HCN1: variants seen among roughly 807,000 people sequenced by gnomAD.
The protein encoded by HCN1 is potassium/sodium hyperpolarization-activated cyclic nucleotide-gated channel 1.
In HCN1, 13 loss-of-function variants were observed where a neutral mutation model predicts 78.9. The observed-to-expected ratio is 0.16, with a 90% CI of 0.11 to 0.26. HCN1 has a LOEUF of 0.26. HCN1 is among the 10% of genes least tolerant of loss of function. HCN1 has a pLI of 1.00. For synonymous variants in HCN1, 552 were observed against 455.5 expected, an observed-to-expected ratio of 1.21 and a Z score of -2.70; for missense variants, 810 against 1,154.3, an observed-to-expected ratio of 0.70 and a Z score of 4.32.
chr5:45,318,860 T>C (rs1047981466), intron 5 of HCN1, among the ~76,000 whole-genome samples: 3 of 151,930 alleles, frequency 2.0e-5, no homozygotes, highest in African/African-American at 7.2e-5. Flanking sequence ...CTCATCTTAG[T>C]CAACCCAGAG....
intron 5 of HCN1, among the ~76,000 whole-genome samples, chr5:45,309,430 C>A (rs926122970): frequency 6.6e-6 from 1 of 151,934 alleles, no homozygotes; most frequent in African/African-American, 2.4e-5. Context: ...AGAGAAGATA[C>A]CCTAGTCTGG....
Position 45,527,341 on chromosome 5 carries a change from A to T in HCN1, c.850-65334T>A, listed in dbSNP as rs1742756626. 2.1e-5 allele frequency among the ~76,000 whole-genome samples: 2 copies of T among 96,526 alleles called. 1 individual carries two copies. The allele number at this position is 96,526 out of a possible 152,430, so 63.3% of individuals were successfully genotyped here. Reference sequence around the variant, plus strand: ...CATGGCCAGTAATGGTGGAGATAGGATCTAAACAGAAGCTTATACCATGTT... The same window carrying T: ...CATGGCCAGTAATGGTGGAGATAGGTTCTAAACAGAAGCTTATACCATGTT... On this transcript the variant is annotated intron_variant, in intron 2 of 7. Transcript: ENST00000303230.
intron 5 of HCN1, among the ~76,000 whole-genome samples, chr5:45,327,250 G>A (rs1484495003): frequency 6.6e-6 from 1 of 151,646 alleles, no homozygotes; most frequent in Non-Finnish European, 1.5e-5. Context: ...CCAGAAGTAT[G>A]CTGAAACTAA....
Position 45,641,158 on chromosome 5 carries a change from T to G in HCN1, c.849+4027A>C, listed in dbSNP as rs193294810. Among the ~76,000 whole-genome samples the G allele has an allele frequency of 1.5e-3, 225 of 152,306 alleles. 1 individual carries two copies. The highest frequency in any genetic ancestry group is 3.1e-3 in the Admixed American group (48 of 15,290). On this transcript the variant is annotated intron_variant, in intron 2 of 7. Transcript: ENST00000303230. ...TTATGGCAAGTCTTAGAATCCTATG[T>G]GTTTTTAAAAATATAAAAGTAATTA...
At chr5:45,289,440 A>G (rs1472931319) in intron 6 of HCN1, among the ~76,000 whole-genome samples, 1 of 152,078 alleles carries the variant, frequency 6.6e-6, no homozygotes, top group Non-Finnish European at 1.5e-5. Context: ...TTTGTCTCCT[A>G]GACTCCACAG....
intron 4 of HCN1, among the ~76,000 whole-genome samples, chr5:45,359,281 T>C (rs970727151): frequency 1.3e-5 from 2 of 151,820 alleles, no homozygotes; most frequent in Admixed American, 1.3e-4. Flanking sequence ...AATTGAAAAA[T>C]AGCAAATTAT....
chr5:45,495,265 T>C (rs1742000193), intron 2 of HCN1, among the ~76,000 whole-genome samples: 1 of 114,502 alleles, frequency 8.7e-6, no homozygotes, highest in East Asian at 2.4e-4. Context: ...TTGTATCCTC[T>C]TTTATTTCCT....
rs1391526671 is a variant in HCN1 at position 45,669,171 on chromosome 5, GAGTT to G, written c.426-23567_426-23564del. On this transcript the variant is annotated intron_variant, in intron 1 of 7. Transcript: ENST00000303230. Reference sequence around the variant, plus strand: ...CATGTGTCAGAGCAAGAAATTGAGAGAGTTAGAGCAACTTTAAAGAAATTTAATA... The same window carrying G: ...CATGTGTCAGAGCAAGAAATTGAGAGAGAGCAACTTTAAAGAAATTTAATA... 3.9e-5 allele frequency among the ~76,000 whole-genome samples: 6 copies of G among 151,956 alleles called. No homozygotes were observed. The East Asian group carries it at 5.8e-4, about 15-fold the overall frequency.
chr5:45,442,257 T>G (rs1488504059), intron 3 of HCN1, among the ~76,000 whole-genome samples: 1 of 152,154 alleles, frequency 6.6e-6, no homozygotes, highest in East Asian at 1.9e-4. Flanking sequence ...CACTGATTTT[T>G]CTTCCCTTTT....
intron 1 of HCN1, among the ~76,000 whole-genome samples, chr5:45,673,434 G>A (rs1349906770): frequency 6.6e-6 from 1 of 151,442 alleles, no homozygotes; most frequent in Non-Finnish European, 1.5e-5. Flanking sequence ...CAAATTATTT[G>A]AGTCCCCCCA....
chr5:45,690,449 T>C (rs1231065119), intron 1 of HCN1, among the ~76,000 whole-genome samples: 1 of 152,062 alleles, frequency 6.6e-6, no homozygotes, highest in Non-Finnish European at 1.5e-5. Flanking sequence ...ATTCTTTACT[T>C]CTATATATAT....
At chr5:45,321,729 G>A (rs543438946) in intron 5 of HCN1, among the ~76,000 whole-genome samples, 152 of 151,748 alleles carry the variant, frequency 1.0e-3, no homozygotes, top group African/African-American at 3.5e-3. Flanking sequence ...TCATTTAATA[G>A]CAATACGTTT....
intron 2 of HCN1, among the ~76,000 whole-genome samples, chr5:45,563,936 T>C (rs1360518031): frequency 6.6e-6 from 1 of 152,216 alleles, no homozygotes; most frequent in Non-Finnish European, 1.5e-5. Flanking sequence ...GATTTGATAC[T>C]AGTTCTTCCA....
chr5:45,664,739 C>T (rs867144770), intron 1 of HCN1, among the ~76,000 whole-genome samples: 1 of 151,960 alleles, frequency 6.6e-6, no homozygotes, highest in African/African-American at 2.4e-5. Flanking sequence ...CAAATCAAAA[C>T]CACACTGAGA....
At chr5:45,547,176 A>G (rs2589170) in intron 2 of HCN1, among the ~76,000 whole-genome samples, 6,931 of 152,020 alleles carry the variant, frequency 0.046, 558 homozygotes, top group African/African-American at 0.16. Context: ...TAGATCCTTC[A>G]TGATATGTCT....
chr5:45,624,848 T>C (rs1745131303), intron 2 of HCN1, among the ~76,000 whole-genome samples: 1 of 151,984 alleles, frequency 6.6e-6, no homozygotes, highest in African/African-American at 2.4e-5. Flanking sequence ...TTAGGTCAAC[T>C]GTGGTAAGTA....
chr5:45,680,274 T>A (rs1182052087), intron 1 of HCN1, among the ~76,000 whole-genome samples: 1 of 152,172 alleles, frequency 6.6e-6, no homozygotes, highest in Non-Finnish European at 1.5e-5. Context: ...GAAAATGCTT[T>A]ACGCTTTCTG....
chr5:45,449,409 T>C (rs544635417), intron 3 of HCN1, among the ~76,000 whole-genome samples: 7 of 152,334 alleles, frequency 4.6e-5, no homozygotes, highest in African/African-American at 1.2e-4. Context: ...AATTCAGTTT[T>C]TGTTGAAGTA....
chr5:45,574,265 T>C (rs1743893110), intron 2 of HCN1, among the ~76,000 whole-genome samples: 1 of 152,184 alleles, frequency 6.6e-6, no homozygotes, highest in Non-Finnish European at 1.5e-5. Flanking sequence ...TTTACAATAG[T>C]ATGTGCTCAC....
Sources: gnomAD v4.1 joint callset for allele counts (sites outside exome capture counted in the v4.1 genomes callset) on GRCh38, gnomAD v4.1.1 for gene constraint, MANE v1.5 for transcripts, NCBI Gene and HGNC (gene_info 2026-07-23, HGNC 2026-07-21) for gene names.